The following PRKCI variants were observed in gnomAD, a reference collection of about 807,000 sequenced individuals.
The protein encoded by PRKCI is protein kinase C iota.
PRKCI carries 43 observed loss-of-function variants against 84.0 expected under a neutral mutation model. The observed-to-expected ratio is 0.51, with a 90% CI of 0.40 to 0.66. PRKCI has a LOEUF of 0.66. PRKCI is among the 30% of genes least tolerant of loss of function. PRKCI has a pLI of 0.00. For synonymous variants in PRKCI, 216 were observed against 234.4 expected (o/e 0.92, Z 0.72); for missense variants, 459 against 745.6 (o/e 0.62, Z 4.48).
chr3:170,235,385 A>G (rs935703538), intron 2 of PRKCI, 34 bp downstream of exon 2: 1 of 1,606,824 alleles, frequency 6.2e-7, no homozygotes, highest in African/African-American at 1.3e-5. Context: ...CTGTGTAAGC[A>G]TTTTAAGATC....
At chr3:170,242,460 AAAGAC>A (rs1480138216) in intron 2 of PRKCI, among the ~76,000 whole-genome samples, 35 of 152,106 alleles carry the variant, frequency 2.3e-4, no homozygotes, top group Admixed American at 2.0e-3. Context: ...AAGAAAAAGA[AAAGAC>A]AAGAAAAGAA....
intron 6 of PRKCI, among the ~76,000 whole-genome samples, chr3:170,272,898 G>A (rs975285848): frequency 5.9e-5 from 9 of 152,100 alleles, no homozygotes; most frequent in Non-Finnish European, 1.2e-4. Context: ...ATTTTAAGAG[G>A]TTATAGACAT....
intron 2 of PRKCI, among the ~76,000 whole-genome samples, chr3:170,248,631 G>A (rs1273767328): frequency 6.6e-6 from 1 of 152,112 alleles, no homozygotes; most frequent in African/African-American, 2.4e-5. Context: ...TGAACATTCA[G>A]TCCAAGAAAA....
intron 5 of PRKCI, 107 bp downstream of exon 5, chr3:170,268,107 A>G: frequency 1.2e-6 from 1 of 839,484 alleles, no homozygotes; most frequent in South Asian, 1.9e-5. Flanking sequence ...ACTTTTAAAT[A>G]CATAAGTAGC....
At chr3:170,231,250 C>T (rs1326114945) in intron 1 of PRKCI, among the ~76,000 whole-genome samples, 4 of 151,910 alleles carry the variant, frequency 2.6e-5, no homozygotes, top group Admixed American at 6.6e-5. Flanking sequence ...CTTGAGCCAC[C>T]GTGCCCGGCC....
chr3:170,235,115 A>G (rs1215072476), intron 1 of PRKCI, 115 bp from the exon 2 acceptor site: 2 of 1,066,566 alleles, frequency 1.9e-6, no homozygotes, highest in East Asian at 2.6e-5. Context: ...AAAGCAATAC[A>G]TGTTGATGCA....
intron 1 of PRKCI, among the ~76,000 whole-genome samples, chr3:170,232,477 T>C (rs1348719912): frequency 6.6e-6 from 1 of 152,178 alleles, no homozygotes; most frequent in Non-Finnish European, 1.5e-5. Context: ...GCTGCACTTA[T>C]TTAGTCTTCA....
At chr3:170,299,248 A>G (rs571551758) in intron 17 of PRKCI, 138 bp downstream of exon 17, 125 of 426,854 alleles carry the variant, frequency 2.9e-4, no homozygotes, top group African/African-American at 2.2e-3. Flanking sequence ...TTATTTTGAG[A>G]TGGAGTCTCG....
chr3:170,283,201 T>TA (rs2108860246), intron 11 of PRKCI, among the ~76,000 whole-genome samples: 1 of 152,162 alleles, frequency 6.6e-6, no homozygotes, highest in African/African-American at 2.4e-5. Context: ...ATGGAGGAGA[T>TA]AGGTGGGAAG....
chr3:170,231,528 G>C (rs1182210983), intron 1 of PRKCI, among the ~76,000 whole-genome samples: 1 of 151,916 alleles, frequency 6.6e-6, no homozygotes, highest in Non-Finnish European at 1.5e-5. Context: ...GTAGTGGCGT[G>C]ATCTCGGCTC....
chr3:170,297,502 T>C, intron 16 of PRKCI, 109 bp downstream of exon 16: 2 of 814,086 alleles, frequency 2.5e-6, no homozygotes, highest in Middle Eastern at 3.6e-4. Context: ...TCACCGAGGC[T>C]GGAGTACAAT....
At chr3:170,258,960 T>G (rs557390932) in intron 2 of PRKCI, among the ~76,000 whole-genome samples, 224 of 152,146 alleles carry the variant, frequency 1.5e-3, no homozygotes, top group South Asian at 2.9e-3. Context: ...ACTTTCCCAT[T>G]AGACACATAG....
intron 3 of PRKCI, among the ~76,000 whole-genome samples, chr3:170,263,171 A>C (rs948023123): frequency 2.9e-5 from 1 of 34,146 alleles, no homozygotes; most frequent in Non-Finnish European, 5.6e-5. Context: ...TCTGTCTCAA[A>C]AAAAAAAAAA....
chr3:170,257,572 C>T (rs1199259112), intron 2 of PRKCI, among the ~76,000 whole-genome samples: 1 of 152,126 alleles, frequency 6.6e-6, no homozygotes. Context: ...CTCATCTTCT[C>T]ACCTGTTTCC....
In PRKCI at chr3:170,281,046, A is replaced by G. The variant is rs916951177; in HGVS notation, c.883-120A>G. The G allele has an allele frequency of 7.1e-6, 5 of 701,756 alleles. No homozygotes were observed. In the Admixed American group the frequency reaches 8.5e-5, roughly 12 times the overall value. 43.5% of individuals were successfully genotyped at this position (701,756 alleles called of 1,614,324 possible). A position where few individuals can be genotyped will look rare whatever the true frequency, so the allele number is the denominator to read the frequency against. ...TGTAAATTTTCGTTTCATGATTATCAATGGTTTTGATATTTAGCCTAGTTA... is the reference window on the plus strand; with the variant it reads ...TGTAAATTTTCGTTTCATGATTATCGATGGTTTTGATATTTAGCCTAGTTA... On this transcript the variant is annotated intron_variant, in intron 9 of 17. Coordinates refer to ENST00000295797, the MANE Select transcript of PRKCI (RefSeq NM_002740.6).
intron 17 of PRKCI, among the ~76,000 whole-genome samples, chr3:170,302,830 C>G (rs772568000): frequency 3.3e-5 from 5 of 152,114 alleles, no homozygotes; most frequent in Non-Finnish European, 7.3e-5. Flanking sequence ...CTTTTTGGCT[C>G]TAAACTTGCT....
chr3:170,228,844 G>A (rs1243880152), intron 1 of PRKCI, among the ~76,000 whole-genome samples: 1 of 151,976 alleles, frequency 6.6e-6, no homozygotes, highest in African/African-American at 2.4e-5. Flanking sequence ...AAAATTACCT[G>A]TACCCGATAG....
At chr3:170,238,016 T>C (rs1486890796) in intron 2 of PRKCI, among the ~76,000 whole-genome samples, 1 of 152,122 alleles carries the variant, frequency 6.6e-6, no homozygotes, top group Non-Finnish European at 1.5e-5. Context: ...CTGGTGGGCA[T>C]GGGGAGCTTG....
Position 170,230,926 on chromosome 3 carries a change from T to C in PRKCI, c.102-4304T>C, listed in dbSNP as rs1354989881. Among the ~76,000 whole-genome samples, 3 of 151,878 alleles carry C rather than the reference T, an allele frequency of 2.0e-5. No homozygotes were observed. The East Asian group carries it at 5.8e-4, about 29-fold the overall frequency. On this transcript the variant is annotated intron_variant, in intron 1 of 17. Transcript: ENST00000295797. ...TTATAGTTAACTTTGATATATGTTA[T>C]GGAATGGCTTGATTCATTATTTAAT...
Sources: gnomAD v4.1 joint callset for allele counts (sites outside exome capture counted in the v4.1 genomes callset) on GRCh38, gnomAD v4.1.1 for gene constraint, MANE v1.5 for transcripts, NCBI Gene and HGNC (gene_info 2026-07-23, HGNC 2026-07-21) for gene names.